ZHX2: variants seen among roughly 807,000 people sequenced by gnomAD.
ZHX2 encodes zinc fingers and homeoboxes 2.
In ZHX2, 6 loss-of-function variants were observed where a neutral mutation model predicts 21.9. The ratio of observed to expected loss-of-function variants is 0.27; its 90% CI spans 0.15 to 0.54. The LOEUF (loss-of-function observed/expected upper bound fraction) is 0.54, where lower values mean the gene tolerates loss of function less well. ZHX2 is among the 20% of genes least tolerant of loss of function. The pLI is 0.95. For missense variants in ZHX2, 908 were observed against 1,090.7 expected, an observed-to-expected ratio of 0.83 and a Z score of 2.36; for synonymous variants, 434 against 437.1, an observed-to-expected ratio of 0.99 and a Z score of 0.09.
chr8:122,901,005 A>C (rs1192629574), intron 2 of ZHX2, among the ~76,000 whole-genome samples: 1 of 152,172 alleles, frequency 6.6e-6, no homozygotes, highest in Non-Finnish European at 1.5e-5. Flanking sequence ...TATTCTCAGG[A>C]GTATGAAGAA....
intron 1 of ZHX2, among the ~76,000 whole-genome samples, chr8:122,859,145 C>T (rs1012050755): frequency 2.0e-5 from 3 of 152,202 alleles, no homozygotes; most frequent in African/African-American, 4.8e-5. Context: ...GAGAGAGAAA[C>T]GGGACCAGAC....
chr8:122,797,137 G>A (rs1328521049), intron 1 of ZHX2, among the ~76,000 whole-genome samples: 2 of 152,198 alleles, frequency 1.3e-5, no homozygotes, highest in East Asian at 3.8e-4. Context: ...TACAGTGACA[G>A]GTAAACCCCA....
chr8:122,948,257 G>A (rs952105426), intron 2 of ZHX2, among the ~76,000 whole-genome samples: 14 of 152,230 alleles, frequency 9.2e-5, no homozygotes, highest in African/African-American at 3.4e-4. Flanking sequence ...CATGGGAGAG[G>A]CCAGAGATGA....
At chr8:122,922,340 A>G (rs769494145) in intron 2 of ZHX2, among the ~76,000 whole-genome samples, 2 of 152,056 alleles carry the variant, frequency 1.3e-5, no homozygotes, top group African/African-American at 2.4e-5. Flanking sequence ...TTTAAGTGTT[A>G]TGAAACTGGA....
At chr8:122,889,803 C>T (rs1405215839) in intron 2 of ZHX2, among the ~76,000 whole-genome samples, 1 of 152,078 alleles carries the variant, frequency 6.6e-6, no homozygotes, top group Non-Finnish European at 1.5e-5. Context: ...GTTTGCAGGA[C>T]TCAAATATAT....
At chr8:122,910,980 T>G (rs1820465982) in intron 2 of ZHX2, among the ~76,000 whole-genome samples, 1 of 152,200 alleles carries the variant, frequency 6.6e-6, no homozygotes, top group African/African-American at 2.4e-5. Context: ...TACATGTTCC[T>G]GTTATAAGTC....
At chr8:122,876,738 C>G (rs1202666596) in intron 2 of ZHX2, among the ~76,000 whole-genome samples, 1 of 152,224 alleles carries the variant, frequency 6.6e-6, no homozygotes, top group African/African-American at 2.4e-5. Flanking sequence ...CTGCTGAAAG[C>G]CTTGTTTGCT....
intron 1 of ZHX2, among the ~76,000 whole-genome samples, chr8:122,790,447 A>G (rs4871305): frequency 0.84 from 127,197 of 152,114 alleles, 53,210 homozygotes; most frequent in Middle Eastern, 0.92. Context: ...AGAAAACAAT[A>G]CTCCTGCCTT....
rs574717776 is a variant in ZHX2, at chr8:122,805,001, C to T, written c.-283+23055C>T. On this transcript the variant is annotated intron_variant, in intron 1 of 3. Transcript: ENST00000314393. ...GCTGTAGACTCAGTGTGTGTTCCTG[C>T]CCCTGGAAGGTTACCTCTGAAGTCC... Among the ~76,000 whole-genome samples the T allele has an allele frequency of 3.3e-3, 500 of 152,322 alleles. 2 individuals are homozygous for T. Among genetic ancestry groups the T allele is most frequent in the Middle Eastern group, 0.01 (3 of 294 alleles).
rs530332052 is a variant in ZHX2, at chr8:122,974,127, G to A, written c.*890G>A. The A allele has an allele frequency of 6.6e-6, 1 of 152,616 alleles. No individual in the cohort carries two copies. The highest frequency in any genetic ancestry group is 6.5e-5 in the Admixed American group (1 of 15,280). The allele number at this position is 152,616 out of a possible 1,614,324, so 9.5% of individuals were successfully genotyped here. A position where few individuals can be genotyped will look rare whatever the true frequency, so the allele number is the denominator to read the frequency against. On this transcript the variant is annotated 3_prime_UTR_variant, in exon 4 of 4. Transcript: ENST00000314393. ...AACAACAATAAGATCTTCCTATCTG[G>A]AGGGTACAGAGGTGAATGGCTTTGG...
chr8:122,806,938 C>T (rs1817836451), intron 1 of ZHX2, among the ~76,000 whole-genome samples: 1 of 152,142 alleles, frequency 6.6e-6, no homozygotes, highest in South Asian at 2.1e-4. Context: ...GATAGATAAC[C>T]AGACCTCCCA....
intron 2 of ZHX2, among the ~76,000 whole-genome samples, chr8:122,923,147 A>AT (rs1563585683): frequency 6.6e-6 from 1 of 152,254 alleles, no homozygotes; most frequent in African/African-American, 2.4e-5. Context: ...CTGGTGAACT[A>AT]TTGCTGCACA....
chr8:122,953,459 C>T lies in ZHX2; in HGVS notation c.1949C>T (p.Thr650Ile). 1.2e-6 allele frequency: 2 copies of T among 1,614,190 alleles called. No individual in the cohort carries two copies. Among genetic ancestry groups the T allele is most frequent in the Non-Finnish European group, 1.7e-6 (2 of 1,180,044 alleles). ...VHLLRSTFAR[T>I]QWPTPQEYDQ... The stretch of plus-strand genomic sequence containing the variant: ...CTCCTGAGGAGCACGTTTGCAAGAA[C>T]CCAGTGGCCTACTCCCCAGGAGTAC... The change falls in exon 3 of 4, where the codon ACC becomes ATC. Residue 650 changes from threonine to isoleucine, a missense_variant. Thr to Ile is a moderately conservative substitution (Grantham distance 89). This residue lies in a region of ZHX2 where 431 missense variants were observed against 428.6 expected (regional missense o/e 1.01). Coordinates refer to ENST00000314393, the MANE Select transcript of ZHX2 (RefSeq NM_014943.5). This position sits in a 1 kb window ranked among gnomAD's most constrained non-coding sequence, Gnocchi z 4.6.
At chr8:122,962,471 C>A (rs537049821) in intron 3 of ZHX2, among the ~76,000 whole-genome samples, 3 of 152,326 alleles carry the variant, frequency 2.0e-5, no homozygotes, top group African/African-American at 7.2e-5. Flanking sequence ...CTTTTTATGG[C>A]TGAGTAGTAT....
chr8:122,794,957 G>T (rs1409584132), intron 1 of ZHX2, among the ~76,000 whole-genome samples: 1 of 152,164 alleles, frequency 6.6e-6, no homozygotes, highest in Non-Finnish European at 1.5e-5. Flanking sequence ...AATCTAAGCT[G>T]GTGGATTTTG....
At chr8:122,879,331 C>T (rs558025910) in intron 2 of ZHX2, among the ~76,000 whole-genome samples, 3 of 152,158 alleles carry the variant, frequency 2.0e-5, no homozygotes, top group Middle Eastern at 3.4e-3. Context: ...CTCAGCCTCC[C>T]GAGTAGCTAG....
intron 2 of ZHX2, among the ~76,000 whole-genome samples, chr8:122,913,758 T>C (rs7812750): frequency 0.43 from 64,980 of 152,066 alleles, 14,151 homozygotes; most frequent in South Asian, 0.56. Flanking sequence ...ACAGAGCACA[T>C]GTTTCACGTT....
intron 2 of ZHX2, among the ~76,000 whole-genome samples, chr8:122,913,835 A>T (rs1820536863): frequency 6.6e-6 from 1 of 152,224 alleles, no homozygotes; most frequent in Non-Finnish European, 1.5e-5. Context: ...AGGAAGGGTT[A>T]TGACACCATC....
intron 1 of ZHX2, among the ~76,000 whole-genome samples, chr8:122,789,721 T>C (rs1345742481): frequency 6.6e-6 from 1 of 152,166 alleles, no homozygotes; most frequent in Non-Finnish European, 1.5e-5. Flanking sequence ...GCCAAGACAT[T>C]AAGGGGAAAA....
Sources: allele counts gnomAD v4.1 joint callset (sites outside exome capture counted in the v4.1 genomes callset), GRCh38; gene constraint gnomAD v4.1.1; regional missense constraint gnomAD v4.1.1; non-coding constraint Gnocchi (gnomAD v3.1); transcripts MANE v1.5; gene names NCBI Gene and HGNC (gene_info 2026-07-23, HGNC 2026-07-21).